The following ASPRV1 variants were observed in gnomAD, a reference collection of about 807,000 sequenced individuals.
The protein encoded by ASPRV1 is aspartic peptidase retroviral like 1.
Under a neutral mutation model 11.0 loss-of-function variants are expected in ASPRV1, and 7 were observed. The ratio of observed to expected loss-of-function variants is 0.64; its 90% CI spans 0.36 to 1.20. The LOEUF is 1.20. ASPRV1 is among the 50% of genes most tolerant of loss of function. The probability of loss-of-function intolerance (pLI) is 0.02; values close to 1 mark genes in which losing one functional copy is unlikely to be tolerated. For missense variants in ASPRV1, 299 were observed against 320.0 expected, an observed-to-expected ratio of 0.93 and a Z score of 0.50; for synonymous variants, 136 against 138.4, an observed-to-expected ratio of 0.98 and a Z score of 0.12.
downstream of ASPRV1, among the ~76,000 whole-genome samples, chr2:69,956,208 T>C (rs993284684): frequency 2.0e-5 from 3 of 152,024 alleles, no homozygotes; most frequent in African/African-American, 7.3e-5. Context: ...GTATAACTCA[T>C]AGAAAAATAA....
chr2:70,055,903 C>T, the ASPRV1 span: 1 of 152,108 alleles, frequency 6.6e-6, no homozygotes, highest in Non-Finnish European at 1.5e-5. Context: ...CATAGCAAGA[C>T]TCCGTCTCTA....
At chr2:70,019,023 TTATGATCTAAAGTGTAGA>T in the ASPRV1 span, 1 of 152,152 alleles carries the variant, frequency 6.6e-6, no homozygotes, top group East Asian at 1.9e-4. Context: ...GAAGGGGTTG[TTATGATCTAAAGTGTAGA>T]TAAGAAACTC....
chr2:69,936,527 C>T, the ASPRV1 span, among the ~76,000 whole-genome samples: 10 of 152,264 alleles, frequency 6.6e-5, no homozygotes, highest in African/African-American at 2.4e-4. Flanking sequence ...ACAAATGTTA[C>T]TTTAATTATG....
At chr2:69,998,415 G>C in the ASPRV1 span, among the ~76,000 whole-genome samples, 1 of 152,116 alleles carries the variant, frequency 6.6e-6, no homozygotes, top group Non-Finnish European at 1.5e-5. Context: ...AAGAAACTGG[G>C]GAAAGGCCAT....
At chr2:70,074,891 CG>C in the ASPRV1 span, 8 of 151,222 alleles carry the variant, frequency 5.3e-5, no homozygotes, top group Admixed American at 4.6e-4. Flanking sequence ...CCGAGGCAGG[CG>C]GATCACGAGG....
At chr2:70,056,060 C>T in the ASPRV1 span, 1 of 152,146 alleles carries the variant, frequency 6.6e-6, no homozygotes, top group African/African-American at 2.4e-5. Context: ...TGAACCCTAA[C>T]ACATTATGCT....
At chr2:70,064,108 T>C in the ASPRV1 span, 1 of 152,218 alleles carries the variant, frequency 6.6e-6, no homozygotes, top group African/African-American at 2.4e-5. Context: ...AGCAAGTGTT[T>C]TGTGTCAGGC....
upstream of ASPRV1, chr2:69,963,170 G>A: frequency 2.3e-6 from 1 of 428,098 alleles, no homozygotes. Flanking sequence ...CTGATTCAGT[G>A]AGCCAGCAGA....
At chr2:70,007,168 T>C in the ASPRV1 span, among the ~76,000 whole-genome samples, 1 of 152,332 alleles carries the variant, frequency 6.6e-6, no homozygotes, top group South Asian at 2.1e-4. Flanking sequence ...TAAATACATG[T>C]GACATATCCA....
the ASPRV1 span, chr2:70,031,680 G>A: frequency 6.6e-6 from 1 of 152,176 alleles, no homozygotes. Context: ...CTGGGCGACA[G>A]AGCAAGACTC....
At chr2:70,002,274 T>A in the ASPRV1 span, among the ~76,000 whole-genome samples, 1 of 152,146 alleles carries the variant, frequency 6.6e-6, no homozygotes, top group African/African-American at 2.4e-5. Context: ...ATAAATGCTA[T>A]TTCTTGTGCT....
At chr2:69,971,801 G>A in the ASPRV1 span, among the ~76,000 whole-genome samples, 3 of 152,160 alleles carry the variant, frequency 2.0e-5, no homozygotes, top group East Asian at 5.8e-4. Context: ...GAGCTTTGCT[G>A]AGGAGAAAGG....
At chr2:70,018,634 A>G in the ASPRV1 span, among the ~76,000 whole-genome samples, 1 of 152,212 alleles carries the variant, frequency 6.6e-6, no homozygotes, top group Non-Finnish European at 1.5e-5. Flanking sequence ...TTTACAGTCA[A>G]CTGATTTTCA....
the ASPRV1 span, among the ~76,000 whole-genome samples, chr2:69,948,954 C>A: frequency 3.3e-5 from 5 of 152,000 alleles, no homozygotes; most frequent in Non-Finnish European, 7.4e-5. Flanking sequence ...CTGGCCGCTC[C>A]CCCCGGCACC....
the ASPRV1 span, among the ~76,000 whole-genome samples, chr2:69,946,106 G>A: frequency 6.6e-6 from 1 of 152,144 alleles, no homozygotes; most frequent in East Asian, 1.9e-4. Context: ...AGTGGGCGTG[G>A]GAGAACCAGT....
chr2:70,074,782 G>C, the ASPRV1 span, among the ~76,000 whole-genome samples: 2 of 151,098 alleles, frequency 1.3e-5, no homozygotes, highest in Non-Finnish European at 1.5e-5. Flanking sequence ...ACTTAACAGA[G>C]GTAAGAAAAG....
At chr2:69,954,680 T>G in the ASPRV1 span, among the ~76,000 whole-genome samples, 1 of 152,086 alleles carries the variant, frequency 6.6e-6, no homozygotes, top group Non-Finnish European at 1.5e-5. Context: ...ACCCCAAATA[T>G]TCCCGGGAAA....
chr2:69,966,221 C>G (rs1678335103), upstream of ASPRV1, among the ~76,000 whole-genome samples: 1 of 152,224 alleles, frequency 6.6e-6, no homozygotes. Context: ...TTTGCCAAAA[C>G]CGGTTCTCCC....
chr2:70,043,183 C>T, the ASPRV1 span, among the ~76,000 whole-genome samples: 16 of 152,144 alleles, frequency 1.1e-4, no homozygotes, highest in Admixed American at 6.5e-4. Context: ...TTTGGGAGGC[C>T]GAGGCGGGTG....
Sources: allele counts gnomAD v4.1 joint callset (sites outside exome capture counted in the v4.1 genomes callset), GRCh38; gene constraint gnomAD v4.1.1; transcripts MANE v1.5; gene names NCBI Gene and HGNC (gene_info 2026-07-23, HGNC 2026-07-21).